The following CSMD2 variants were observed in gnomAD, a reference collection of about 807,000 sequenced individuals.
The protein encoded by CSMD2 is CUB and sushi domain-containing protein 2.
CSMD2 carries 130 observed loss-of-function variants against 398.5 expected under a neutral mutation model. The ratio of observed to expected loss-of-function variants is 0.33; its 90% CI spans 0.28 to 0.38. CSMD2 has a LOEUF of 0.38. CSMD2 is among the 10% of genes least tolerant of loss of function. CSMD2 has a pLI of 1.00. For synonymous variants in CSMD2, 1,828 were observed against 1,908.5 expected, an observed-to-expected ratio of 0.96 and a Z score of 1.10; for missense variants, 3,829 against 4,764.9, an observed-to-expected ratio of 0.80 and a Z score of 5.78.
intron 32 of CSMD2, among the ~76,000 whole-genome samples, chr1:33,631,468 G>T (rs1642463354): frequency 1.3e-5 from 2 of 152,232 alleles, no homozygotes; most frequent in East Asian, 3.9e-4. Flanking sequence ...AGGAGAATTA[G>T]TTGGCAGTGT....
intron 13 of CSMD2, among the ~76,000 whole-genome samples, chr1:33,770,687 G>A (rs1017804952): frequency 2.0e-5 from 3 of 152,234 alleles, no homozygotes; most frequent in African/African-American, 7.2e-5. Context: ...GAAATGCCAT[G>A]TCAGCTCCCC....
intron 64 of CSMD2, among the ~76,000 whole-genome samples, chr1:33,530,937 G>A (rs1570633198): frequency 6.6e-6 from 1 of 152,220 alleles, no homozygotes; most frequent in East Asian, 1.9e-4. Context: ...GGATACCAGG[G>A]GCTAGGGTGG....
At chr1:33,561,719 C>G (rs1658564089) in intron 53 of CSMD2, among the ~76,000 whole-genome samples, 1 of 152,014 alleles carries the variant, frequency 6.6e-6, no homozygotes, top group South Asian at 2.1e-4. Context: ...CAAAGAGGGT[C>G]CCACAGGGAG....
intron 3 of CSMD2, among the ~76,000 whole-genome samples, chr1:33,974,443 C>G (rs1289346098): frequency 6.6e-6 from 1 of 152,256 alleles, no homozygotes; most frequent in Non-Finnish European, 1.5e-5. Flanking sequence ...GCCAGTCAGG[C>G]TGTCTGTCCC....
intron 2 of CSMD2, among the ~76,000 whole-genome samples, chr1:34,080,200 A>G (rs1656909643): frequency 6.6e-6 from 1 of 151,732 alleles, no homozygotes; most frequent in Non-Finnish European, 1.5e-5. Flanking sequence ...TACATATACA[A>G]AATTCACTCT....
chr1:33,541,758 G>A (rs1656366396), intron 58 of CSMD2, among the ~76,000 whole-genome samples: 1 of 152,230 alleles, frequency 6.6e-6, no homozygotes, highest in Non-Finnish European at 1.5e-5. Context: ...CCTCTAAGAG[G>A]AAGTATCCAG....
chr1:33,667,433 G>A (rs138183517), intron 25 of CSMD2, among the ~76,000 whole-genome samples: 59 of 152,282 alleles, frequency 3.9e-4, no homozygotes, highest in African/African-American at 1.4e-3. Context: ...CTCTGAGAGG[G>A]TAGGTAACTT....
At chr1:33,724,127 A>G in intron 19 of CSMD2, 70 bp downstream of exon 19, 2 of 1,092,168 alleles carry the variant, frequency 1.8e-6, no homozygotes, top group Non-Finnish European at 2.8e-6. Context: ...ATTGAGGTCA[A>G]CTTGACCTGA....
intron 25 of CSMD2, among the ~76,000 whole-genome samples, chr1:33,692,343 A>G (rs1292345909): frequency 6.6e-6 from 1 of 152,186 alleles, no homozygotes; most frequent in African/African-American, 2.4e-5. Flanking sequence ...CTTCCTCCAC[A>G]ACTCTAAAAT....
intron 6 of CSMD2, among the ~76,000 whole-genome samples, chr1:33,832,842 A>G (rs930398084): frequency 1.2e-4 from 18 of 152,324 alleles, no homozygotes; most frequent in African/African-American, 2.4e-4. Flanking sequence ...CCACAGAAAT[A>G]CAAACTACCA....
intron 6 of CSMD2, among the ~76,000 whole-genome samples, chr1:33,837,954 G>A (rs1660475818): frequency 6.6e-6 from 1 of 152,188 alleles, no homozygotes; most frequent in Non-Finnish European, 1.5e-5. Context: ...AGAAGAATCT[G>A]GCAATACAAA....
chr1:34,023,839 A>T (rs1211868367), intron 3 of CSMD2, among the ~76,000 whole-genome samples: 1 of 152,178 alleles, frequency 6.6e-6, no homozygotes, highest in Non-Finnish European at 1.5e-5. Context: ...TACACTGGGG[A>T]TATGGCAGAG....
chr1:34,003,916 T>C (rs978649131), intron 3 of CSMD2, among the ~76,000 whole-genome samples: 2 of 152,190 alleles, frequency 1.3e-5, no homozygotes, highest in African/African-American at 4.8e-5. Flanking sequence ...TTGTCCAGCA[T>C]TTCTCTTCCC....
chr1:33,810,674 C>T, intron 10 of CSMD2, 69 bp downstream of exon 10: 1 of 1,526,618 alleles, frequency 6.6e-7, no homozygotes, highest in Non-Finnish European at 8.9e-7. Context: ...GTTTGAAAAA[C>T]CTTGTAGGCC....
At chr1:34,016,116 T>C (rs1279481292) in intron 3 of CSMD2, among the ~76,000 whole-genome samples, 1 of 152,146 alleles carries the variant, frequency 6.6e-6, no homozygotes, top group Non-Finnish European at 1.5e-5. Flanking sequence ...TTATAGTTTA[T>C]CATTTTATTT....
At chr1:34,041,274 C>T (rs1651812610) in intron 2 of CSMD2, among the ~76,000 whole-genome samples, 1 of 152,196 alleles carries the variant, frequency 6.6e-6, no homozygotes, top group Non-Finnish European at 1.5e-5. Context: ...GAGCTTCCTG[C>T]CTTCAGGTGT....
chr1:34,084,460 A>C (rs1160337704), intron 2 of CSMD2, among the ~76,000 whole-genome samples: 2 of 152,238 alleles, frequency 1.3e-5, no homozygotes, highest in African/African-American at 4.8e-5. Context: ...GAATGGGAGA[A>C]AAATTTTGCA....
Position 34,124,673 on chromosome 1 carries a change from CA to C in CSMD2, c.188-35481del, listed in dbSNP as rs1213038324. Among the ~76,000 whole-genome samples the C allele has an allele frequency of 1.3e-5, 2 of 152,166 alleles. 1 individual carries two copies. The highest frequency in any genetic ancestry group is 2.9e-5 in the Non-Finnish European group (2 of 68,042). ...GTGGATCAATGCGAGGTTGGCATCC[CA>C]ACTTATCATTCCAAGGTCCCAGAGA... On this transcript the variant is annotated intron_variant, in intron 1 of 70. Coordinates refer to ENST00000373381, the MANE Select transcript of CSMD2 (RefSeq NM_001281956.2).
At chr1:34,122,842 C>T (rs1662331772) in intron 1 of CSMD2, among the ~76,000 whole-genome samples, 1 of 152,180 alleles carries the variant, frequency 6.6e-6, no homozygotes, top group South Asian at 2.1e-4. Flanking sequence ...GGAGGATAGC[C>T]TGATCCCCAA....
Sources: gnomAD v4.1 joint callset for allele counts (sites outside exome capture counted in the v4.1 genomes callset) on GRCh38, gnomAD v4.1.1 for gene constraint, MANE v1.5 for transcripts, NCBI Gene and HGNC (gene_info 2026-07-23, HGNC 2026-07-21) for gene names.